BMP5: variants seen among roughly 807,000 people sequenced by gnomAD.
BMP5 encodes bone morphogenetic protein 5.
In BMP5, 23 loss-of-function variants were observed where a neutral mutation model predicts 46.6. The ratio of observed to expected loss-of-function variants is 0.49; its 90% CI spans 0.35 to 0.70. The LOEUF is 0.70. BMP5 is among the 30% of genes least tolerant of loss of function. BMP5 has a pLI of 0.00. For synonymous variants in BMP5, 204 were observed against 191.9 expected (o/e 1.06, Z -0.52); for missense variants, 545 against 565.6 (o/e 0.96, Z 0.37).
chr6:55,864,776 G>A (rs572891251), intron 1 of BMP5, among the ~76,000 whole-genome samples: 35 of 152,186 alleles, frequency 2.3e-4, no homozygotes, highest in African/African-American at 7.2e-4. Context: ...AATAGAAGAT[G>A]TCCACAGTTT....
At chr6:55,845,922 ACTCCCGCTCCTCTTT>A (rs1209561672) in intron 1 of BMP5, among the ~76,000 whole-genome samples, 2 of 151,584 alleles carry the variant, frequency 1.3e-5, no homozygotes, top group Non-Finnish European at 1.5e-5. Flanking sequence ...TCCTACTCCT[ACTCCCGCTCCTCTTT>A]CTAAGGCACA....
intron 1 of BMP5, among the ~76,000 whole-genome samples, chr6:55,831,589 T>G (rs1047812986): frequency 6.6e-6 from 1 of 151,266 alleles, no homozygotes. Context: ...ATTGAGCAAA[T>G]TCTCAAAAAA....
At chr6:55,764,369 C>G (rs1439619834) in intron 4 of BMP5, among the ~76,000 whole-genome samples, 2 of 152,012 alleles carry the variant, frequency 1.3e-5, no homozygotes, top group Admixed American at 1.3e-4. Flanking sequence ...GTCAGAAGAT[C>G]GACACCATTC....
chr6:55,865,730 T>C (rs1442922968), intron 1 of BMP5, among the ~76,000 whole-genome samples: 1 of 152,174 alleles, frequency 6.6e-6, no homozygotes, highest in East Asian at 1.9e-4. Context: ...CTAGTAGAAA[T>C]AGTTGTAATA....
At chr6:55,775,112 T>C (rs1239709429) in intron 3 of BMP5, among the ~76,000 whole-genome samples, 1 of 151,924 alleles carries the variant, frequency 6.6e-6, no homozygotes, top group African/African-American at 2.4e-5. Flanking sequence ...GATGTGGTTA[T>C]ATATCAGTGA....
chr6:55,777,076 C>T (rs2127522428), intron 3 of BMP5, among the ~76,000 whole-genome samples: 1 of 151,968 alleles, frequency 6.6e-6, no homozygotes, highest in Non-Finnish European at 1.5e-5. Context: ...AATGGAGTGA[C>T]TATTAAGATT....
At chr6:55,779,992 C>T (rs2127523594) in intron 3 of BMP5, among the ~76,000 whole-genome samples, 1 of 151,774 alleles carries the variant, frequency 6.6e-6, no homozygotes, top group South Asian at 2.1e-4. Flanking sequence ...CACAGTAATT[C>T]TGGGGTTCTG....
At chr6:55,806,558 T>A (rs2127533493) in intron 2 of BMP5, among the ~76,000 whole-genome samples, 1 of 152,326 alleles carries the variant, frequency 6.6e-6, no homozygotes, top group Admixed American at 6.5e-5. Context: ...ACAGACTCCT[T>A]TTTGATTCCA....
At chr6:55,831,180 C>T (rs888999353) in intron 1 of BMP5, among the ~76,000 whole-genome samples, 19 of 152,170 alleles carry the variant, frequency 1.2e-4, no homozygotes, top group African/African-American at 4.6e-4. Context: ...TTTTTGAAAT[C>T]TGACAAATCC....
chr6:55,820,454 G>A (rs112485234), intron 1 of BMP5, among the ~76,000 whole-genome samples: 2,048 of 151,024 alleles, frequency 0.014, 37 homozygotes, highest in African/African-American at 0.047. Context: ...GTCTCACTCC[G>A]TTGCCCAAGC....
chr6:55,837,246 CAG>C (rs1260809723), intron 1 of BMP5, among the ~76,000 whole-genome samples: 1 of 151,684 alleles, frequency 6.6e-6, no homozygotes, highest in African/African-American at 2.4e-5. Context: ...ATAATTAACA[CAG>C]TATGTTTAAG....
intron 1 of BMP5, 98 bp downstream of exon 1, chr6:55,874,278 T>C (rs1777849159): frequency 6.6e-7 from 1 of 1,509,278 alleles, no homozygotes; most frequent in South Asian, 1.1e-5. Flanking sequence ...AGAAAATGTC[T>C]TTATATAAAC....
intron 1 of BMP5, among the ~76,000 whole-genome samples, chr6:55,820,433 T>C (rs919869076): frequency 2.8e-4 from 43 of 152,198 alleles, no homozygotes; most frequent in Middle Eastern, 3.4e-3. Context: ...ATTTTTTTTT[T>C]CTTGAGAAAG....
At chr6:55,814,291 T>C (rs1776204464) in intron 2 of BMP5, among the ~76,000 whole-genome samples, 1 of 152,156 alleles carries the variant, frequency 6.6e-6, no homozygotes, top group South Asian at 2.1e-4. Flanking sequence ...AAAACAATTT[T>C]TTGCCATTAT....
At chr6:55,772,386 A>T (rs1440269974) in intron 4 of BMP5, among the ~76,000 whole-genome samples, 1 of 151,926 alleles carries the variant, frequency 6.6e-6, no homozygotes, top group Non-Finnish European at 1.5e-5. Flanking sequence ...TCAAATAATA[A>T]GTATGTGACT....
At chr6:55,857,902 T>G (rs528612419) in intron 1 of BMP5, among the ~76,000 whole-genome samples, 1 of 151,978 alleles carries the variant, frequency 6.6e-6, no homozygotes, top group African/African-American at 2.4e-5. Context: ...CAGGCCTGGC[T>G]AATTTTTGTA....
At chr6:55,830,624 G>T (rs1776641841) in intron 1 of BMP5, among the ~76,000 whole-genome samples, 1 of 152,002 alleles carries the variant, frequency 6.6e-6, no homozygotes, top group African/African-American at 2.4e-5. Context: ...TGTTATGTTA[G>T]TTATCAGATG....
At chr6:55,765,009 A>G (rs989243164) in intron 4 of BMP5, among the ~76,000 whole-genome samples, 1 of 152,200 alleles carries the variant, frequency 6.6e-6, no homozygotes, top group South Asian at 2.1e-4. Flanking sequence ...GGATATCTTA[A>G]TTACCCTGAT....
rs984406207 is a variant in BMP5 at position 55,760,744 on chromosome 6, T to C, written c.1028-211A>G. 6.6e-5 allele frequency among the ~76,000 whole-genome samples: 10 copies of C among 151,972 alleles called. No homozygotes were observed. The East Asian group carries it at 7.8e-4, about 12-fold the overall frequency. On this transcript the variant is annotated intron_variant, in intron 4 of 6. Transcript: ENST00000370830. ...TTCTTCTTCTGTGAGATGTAGACAA[T>C]ACCATTTACCTGATGAAGCTCTAAC...
Sources: allele counts gnomAD v4.1 joint callset (sites outside exome capture counted in the v4.1 genomes callset), GRCh38; gene constraint gnomAD v4.1.1; transcripts MANE v1.5; gene names NCBI Gene and HGNC (gene_info 2026-07-23, HGNC 2026-07-21).